The following CCDC186 variants were observed in gnomAD, a reference collection of about 807,000 sequenced individuals.
The protein encoded by CCDC186 is coiled-coil domain containing 186.
In CCDC186, 49 loss-of-function variants were observed where a neutral mutation model predicts 113.7. That is an observed-to-expected ratio of 0.43 (90% confidence interval 0.34 to 0.55). The LOEUF (loss-of-function observed/expected upper bound fraction) is 0.55, where lower values mean the gene tolerates loss of function less well. CCDC186 is among the 20% of genes least tolerant of loss of function. The pLI, the probability that CCDC186 is intolerant of heterozygous loss-of-function variation, is 0.02. For missense variants in CCDC186, 890 were observed against 1,011.1 expected (o/e 0.88, Z 1.62); for synonymous variants, 355 against 345.8 (o/e 1.03, Z -0.30).
chr10:114,148,273 G>A (rs1240818853), intron 4 of CCDC186, among the ~76,000 whole-genome samples: 3 of 152,144 alleles, frequency 2.0e-5, no homozygotes, highest in African/African-American at 4.8e-5. Flanking sequence ...TCACACTCCT[G>A]GATCCTGCCC....
chr10:114,131,438 ATTC>A (rs985793714), intron 11 of CCDC186, 102 bp from the exon 12 acceptor site: 4 of 973,314 alleles, frequency 4.1e-6, no homozygotes, highest in Non-Finnish European at 4.4e-6. Context: ...GACAGTGGAG[ATTC>A]TTCTATTATT....
At chr10:114,164,101 T>TGTGTGTGTGG (rs2032260059) in intron 1 of CCDC186, among the ~76,000 whole-genome samples, 1 of 125,948 alleles carries the variant, frequency 7.9e-6, no homozygotes, top group Admixed American at 7.7e-5. Flanking sequence ...TGTGTGTGTG[T>TGTGTGTGTGG]GTATATATAT....
intron 4 of CCDC186, among the ~76,000 whole-genome samples, chr10:114,147,451 CAAGGA>C (rs1475429244): frequency 1.3e-5 from 2 of 151,928 alleles, no homozygotes; most frequent in Non-Finnish European, 2.9e-5. Context: ...AGGGGTGAAT[CAAGGA>C]AAGGAATTAA....
intron 6 of CCDC186, among the ~76,000 whole-genome samples, chr10:114,144,102 A>T (rs947169526): frequency 6.6e-6 from 1 of 152,002 alleles, no homozygotes; most frequent in Non-Finnish European, 1.5e-5. Context: ...TTGATTTTTT[A>T]AAATTTCTAG....
At position 114,123,978 on chromosome 10, in the gene CCDC186, C is replaced by CTT. The variant is rs2030808902; in HGVS notation, c.*1164_*1165insAA. On this transcript the variant is annotated 3_prime_UTR_variant, in exon 16 of 16. Coordinates refer to ENST00000369287, the MANE Select transcript of CCDC186 (RefSeq NM_018017.4). ...TCTACCGCTTCAGCCTCCCGAGTAG[C>CTT]TGGAACCATAGGCATGCACCACCAT... 1.3e-5 allele frequency: 2 copies of CTT among 152,208 alleles called. No individual in the cohort carries two copies. The highest frequency in any genetic ancestry group is 4.8e-5 in the African/African-American group (2 of 41,438). 9.4% of individuals were successfully genotyped at this position (152,208 alleles called of 1,614,324 possible).
intron 2 of CCDC186, among the ~76,000 whole-genome samples, chr10:114,161,284 C>G (rs774781718): frequency 2.6e-5 from 4 of 152,186 alleles, no homozygotes; most frequent in Non-Finnish European, 5.9e-5. Flanking sequence ...CTTTTTCTCT[C>G]TCTGCGCTTC....
intron 7 of CCDC186, among the ~76,000 whole-genome samples, chr10:114,136,631 A>G (rs2031270559): frequency 6.6e-6 from 1 of 152,202 alleles, no homozygotes; most frequent in Admixed American, 6.5e-5. Context: ...ACCTAAAGTT[A>G]TACATTTCCT....
chr10:114,166,027 C>A, intron 1 of CCDC186: 1 of 713,970 alleles, frequency 1.4e-6, no homozygotes, highest in Non-Finnish European at 1.7e-6. Flanking sequence ...TTGTAGTAAC[C>A]AAAAGTGGCG....
rs1243495339 is a variant in CCDC186 at position 114,166,513 on chromosome 10, GGCAGCATTTA to G, written c.-61-3194_-61-3185del. ...GCCTTTCTTGTGACCTTTTTGAAGA[GGCAGCATTTA>G]GCCTTTTAAATGATCTTTGTACTTG... is the stretch of plus-strand genomic sequence containing the variant. On this transcript the variant is annotated intron_variant, in intron 1 of 15. Transcript: ENST00000369287. 6.6e-5 allele frequency among the ~76,000 whole-genome samples: 10 copies of G among 152,344 alleles called. No individual in the cohort carries two copies. In the South Asian group the frequency reaches 2.1e-3, roughly 32 times the overall value.
intron 1 of CCDC186, among the ~76,000 whole-genome samples, chr10:114,171,607 T>C (rs1044778657): frequency 3.3e-5 from 5 of 152,256 alleles, no homozygotes; most frequent in Admixed American, 2.0e-4. Context: ...TTTCAAGTTA[T>C]AAGCCTGCAT....
rs2032201959 is a variant in CCDC186, at chr10:114,162,504, G to A, written c.632+133C>T. 6.2e-6 allele frequency: 4 copies of A among 643,350 alleles called. No individual in the cohort carries two copies. The South Asian group carries it at 7.9e-5, about 13-fold the overall frequency. 39.9% of individuals were successfully genotyped at this position (643,350 alleles called of 1,614,324 possible). A position where few individuals can be genotyped will look rare whatever the true frequency, so the allele number is the denominator to read the frequency against. On this transcript the variant is annotated intron_variant, in intron 2 of 15. Transcript: ENST00000369287. ...CACATTCAGCAACTATACATTTATTGTTCAACTACTATGTGCATGATTCTA... is the reference window on the plus strand; with the variant it reads ...CACATTCAGCAACTATACATTTATTATTCAACTACTATGTGCATGATTCTA...
chr10:114,159,030 G>A (rs12411734), intron 2 of CCDC186, among the ~76,000 whole-genome samples: 20,578 of 152,192 alleles, frequency 0.14, 1,737 homozygotes, highest in Admixed American at 0.2. Context: ...AAAGGAGAGC[G>A]AAAAGCCAGA....
At chr10:114,171,592 T>A (rs933405256) in intron 1 of CCDC186, among the ~76,000 whole-genome samples, 6 of 151,998 alleles carry the variant, frequency 3.9e-5, no homozygotes, top group Middle Eastern at 3.4e-3. Context: ...TTAAAAAAAA[T>A]TTTTTTTCAA....
intron 6 of CCDC186, among the ~76,000 whole-genome samples, chr10:114,137,924 TACTC>T (rs1202299792): frequency 1.3e-5 from 2 of 151,524 alleles, no homozygotes; most frequent in African/African-American, 2.4e-5. Flanking sequence ...TAACCTCAGA[TACTC>T]AGGAAGGCTG....
chr10:114,169,234 CTTTTTT>C (rs34677282), intron 1 of CCDC186, among the ~76,000 whole-genome samples: 14 of 97,502 alleles, frequency 1.4e-4, no homozygotes, highest in East Asian at 6.6e-4. Flanking sequence ...TAGTACCATT[CTTTTTT>C]TTTTTTTTTT....
Position 114,127,639 on chromosome 10 carries a change from G to T in CCDC186, c.2215C>A (p.Arg739=), listed in dbSNP as rs767520724. 2.2e-5 allele frequency: 36 copies of T among 1,613,946 alleles called. No homozygotes were observed. The highest frequency in any genetic ancestry group is 3.0e-5 in the Non-Finnish European group (35 of 1,179,972). Residue 739 remains arginine, a synonymous_variant, in exon 14 of 16, where the codon CGA becomes AGA. Coordinates refer to ENST00000369287, the MANE Select transcript of CCDC186 (RefSeq NM_018017.4). ...GAGGACCCAGTATTTTCTGGAGATC[G>T]ATCTTCTGCACTGCTTCGAGCATTC... ...SLNARSSAED[R]SPENTGSSVA...
At chr10:114,127,702 G>C in intron 13 of CCDC186, 31 bp from the exon 14 acceptor site, 1 of 1,560,800 alleles carries the variant, frequency 6.4e-7, no homozygotes, top group East Asian at 2.2e-5. Flanking sequence ...TTTAGATACT[G>C]TGCTTAATCT....
chr10:114,121,893 C>T lies in CCDC186; in HGVS notation c.*3250G>A, dbSNP rs1306875770. The T allele has an allele frequency of 6.6e-6, 1 of 152,186 alleles. No homozygotes were observed. The highest frequency in any genetic ancestry group is 1.9e-4 in the East Asian group (1 of 5,190). 9.4% of individuals were successfully genotyped at this position (152,186 alleles called of 1,614,324 possible). A position where few individuals can be genotyped will look rare whatever the true frequency, so the allele number is the denominator to read the frequency against. ...AGTGGCAATCATAGCTCACTGCAAG[C>T]TTCAACCTCCCAGGCTCAGATGATC... is the stretch of plus-strand genomic sequence containing the variant. On this transcript the variant is annotated 3_prime_UTR_variant, in exon 16 of 16. Transcript: ENST00000369287.
chr10:114,166,810 G>C (rs74157575), intron 1 of CCDC186, among the ~76,000 whole-genome samples: 2 of 152,084 alleles, frequency 1.3e-5, no homozygotes, highest in East Asian at 3.9e-4. Flanking sequence ...GTGTCATCCT[G>C]CTGGATATTC....
Sources: allele counts gnomAD v4.1 joint callset (sites outside exome capture counted in the v4.1 genomes callset), GRCh38; gene constraint gnomAD v4.1.1; transcripts MANE v1.5; gene names NCBI Gene and HGNC (gene_info 2026-07-23, HGNC 2026-07-21).